Variants in SLC12A6 observed in about 807,000 individuals in gnomAD.
The protein encoded by SLC12A6 is solute carrier family 12 member 6, also known as K-Cl cotransporter 3.
A neutral mutation model predicts 135.3 loss-of-function variants in SLC12A6; 66 were observed. That is an observed-to-expected ratio of 0.49 (90% CI 0.40 to 0.60). The LOEUF is 0.60. Ranked by LOEUF, SLC12A6 falls within the 20% of genes least tolerant of loss-of-function variation. The pLI is 0.00. For missense variants in SLC12A6, 1,058 were observed against 1,452.3 expected, an observed-to-expected ratio of 0.73 and a Z score of 4.41; for synonymous variants, 513 against 508.8, an observed-to-expected ratio of 1.01 and a Z score of -0.11.
At chr15:34,321,576 C>A (rs1782994696) in intron 2 of SLC12A6, among the ~76,000 whole-genome samples, 2 of 152,216 alleles carry the variant, frequency 1.3e-5, no homozygotes, top group African/African-American at 4.8e-5. Flanking sequence ...GGAAAAGGGT[C>A]TCACACTTTC....
At chr15:34,320,759 A>G (rs944869416) in intron 2 of SLC12A6, among the ~76,000 whole-genome samples, 2 of 151,906 alleles carry the variant, frequency 1.3e-5, no homozygotes, top group African/African-American at 4.8e-5. Flanking sequence ...TACTAAAAAT[A>G]CAAAAATCTT....
rs931619573 is a variant in SLC12A6, at chr15:34,231,754, T to A, written c.*2127A>T. 1 of 152,076 alleles carries A rather than the reference T, an allele frequency of 6.6e-6. No individual in the cohort carries two copies. The highest frequency in any genetic ancestry group is 2.4e-5 in the African/African-American group (1 of 41,382). 9.4% of individuals were successfully genotyped at this position (152,076 alleles called of 1,614,324 possible). ...ACAGGCGCCCGCCACCATGCCCGAC[T>A]AATTTTTTTGTATTTTTGTAGAGAC... On this transcript the variant is annotated 3_prime_UTR_variant, in exon 26 of 26. Transcript: ENST00000354181.
intron 2 of SLC12A6, among the ~76,000 whole-genome samples, chr15:34,317,200 T>C (rs1888711095): frequency 6.6e-6 from 1 of 152,172 alleles, no homozygotes; most frequent in Non-Finnish European, 1.5e-5. Context: ...TTACATAAAA[T>C]CTTTTTTCTG....
intron 2 of SLC12A6, among the ~76,000 whole-genome samples, chr15:34,310,007 T>G (rs1888039712): frequency 6.8e-6 from 1 of 148,012 alleles, no homozygotes; most frequent in Non-Finnish European, 1.5e-5. Context: ...GAGATAATCT[T>G]TTTTTTTTTT....
chr15:34,270,056 A>G (rs1893809705), intron 3 of SLC12A6, among the ~76,000 whole-genome samples: 1 of 149,114 alleles, frequency 6.7e-6, no homozygotes, highest in Non-Finnish European at 1.5e-5. Flanking sequence ...AAACAGGACG[A>G]ATAATTCTTT....
intron 3 of SLC12A6, among the ~76,000 whole-genome samples, chr15:34,271,865 AAT>A (rs1471806572): frequency 6.6e-6 from 1 of 152,248 alleles, no homozygotes; most frequent in African/African-American, 2.4e-5. Context: ...TTACAAATTC[AAT>A]TAAGCAGGCA....
intron 2 of SLC12A6, among the ~76,000 whole-genome samples, chr15:34,326,425 T>C (rs1889460221): frequency 6.6e-6 from 1 of 152,236 alleles, no homozygotes; most frequent in Admixed American, 6.5e-5. Context: ...ACTAAGGACA[T>C]ATTTCTAAAA....
chr15:34,312,017 C>T (rs562148526), intron 2 of SLC12A6, among the ~76,000 whole-genome samples: 1 of 152,166 alleles, frequency 6.6e-6, no homozygotes, highest in Non-Finnish European at 1.5e-5. Flanking sequence ...TTTTTGAGTG[C>T]TGTCACATAT....
chr15:34,245,544 G>C, intron 14 of SLC12A6, 141 bp from the exon 15 acceptor site: 1 of 891,658 alleles, frequency 1.1e-6, no homozygotes, highest in South Asian at 1.3e-5. Flanking sequence ...GCACTCACAG[G>C]TAAACTCATG....
chr15:34,285,692 ATG>A (rs1421816904), intron 2 of SLC12A6, among the ~76,000 whole-genome samples: 2 of 12,906 alleles, frequency 1.5e-4, no homozygotes, highest in Non-Finnish European at 2.8e-4. Context: ...AATGTGCTAT[ATG>A]TGTGTGTGTG....
intron 2 of SLC12A6, among the ~76,000 whole-genome samples, chr15:34,320,452 T>C (rs746719532): frequency 1.1e-4 from 17 of 151,836 alleles, no homozygotes; most frequent in Non-Finnish European, 1.8e-4. Flanking sequence ...ATCTCATGAA[T>C]ATAGAAAGTA....
At chr15:34,280,386 T>A (rs1339849551) in intron 2 of SLC12A6, among the ~76,000 whole-genome samples, 2 of 152,208 alleles carry the variant, frequency 1.3e-5, no homozygotes, top group Non-Finnish European at 2.9e-5. Context: ...ACTGGCTGTA[T>A]TATCTAGACA....
At chr15:34,271,985 G>GT (rs547030369) in intron 3 of SLC12A6, among the ~76,000 whole-genome samples, 1,872 of 150,816 alleles carry the variant, frequency 0.012, 15 homozygotes, top group Middle Eastern at 0.037. Context: ...TTTTGTTTTT[G>GT]TTTTTTTTGA....
chr15:34,240,967 T>C lies in SLC12A6; in HGVS notation c.2268-138A>G, dbSNP rs1431096029. 57 of 745,230 alleles carry C rather than the reference T, an allele frequency of 7.6e-5. No homozygotes were observed. In the South Asian group the frequency reaches 7.7e-4, roughly 10 times the overall value. The allele number at this position is 745,230 out of a possible 1,614,324, so 46.2% of individuals were successfully genotyped here. A position where few individuals can be genotyped will look rare whatever the true frequency, so the allele number is the denominator to read the frequency against. ...GACAGAAGGAAGAGATCACAGGAGA[T>C]GACAGGATAAGGGCATTATTTTGAA... is the stretch of plus-strand genomic sequence containing the variant. On this transcript the variant is annotated intron_variant, in intron 18 of 25. Transcript: ENST00000354181.
chr15:34,335,772 T>C (rs931975820), intron 2 of SLC12A6, among the ~76,000 whole-genome samples: 2 of 152,164 alleles, frequency 1.3e-5, no homozygotes, highest in African/African-American at 4.8e-5. Flanking sequence ...AGACTTTCCA[T>C]CTAAAGCTCA....
intron 25 of SLC12A6, 102 bp downstream of exon 25, chr15:34,235,079 G>A: frequency 9.1e-7 from 1 of 1,096,122 alleles, no homozygotes; most frequent in Non-Finnish European, 1.4e-6. Context: ...CCTTAAAGAG[G>A]GAAAGTGGGG....
chr15:34,291,280 T>G (rs1895505792), intron 2 of SLC12A6, among the ~76,000 whole-genome samples: 1 of 152,224 alleles, frequency 6.6e-6, no homozygotes, highest in Non-Finnish European at 1.5e-5. Context: ...GGTTGAAAAT[T>G]CTTTTCTTTC....
At chr15:34,238,456 A>G in intron 20 of SLC12A6, 55 bp from the exon 21 acceptor site, 1 of 1,379,726 alleles carries the variant, frequency 7.2e-7, no homozygotes, top group Non-Finnish European at 1.0e-6. Context: ...CTTGCTTCCT[A>G]GCATGTCAGG....
Position 34,275,331 on chromosome 15 carries a change from C to T in SLC12A6, c.316+14G>A, listed in dbSNP as rs1555384157. ...TGACTTTGGATAAAGTCAATCCCCA[C>T]AGTAATACTATACCTAACAGTTGGC... On this transcript the variant is annotated intron_variant, in intron 3 of 25. Coordinates refer to ENST00000354181, the MANE Select transcript of SLC12A6 (RefSeq NM_001365088.1). 1 of 1,380,936 alleles carries T rather than the reference C, an allele frequency of 7.2e-7. No individual in the cohort carries two copies. The highest frequency in any genetic ancestry group is 1.0e-6 in the Non-Finnish European group (1 of 968,184). The allele number at this position is 1,380,936 out of a possible 1,614,324, so 85.5% of individuals were successfully genotyped here.
Sources: allele counts gnomAD v4.1 joint callset (sites outside exome capture counted in the v4.1 genomes callset), GRCh38; gene constraint gnomAD v4.1.1; transcripts MANE v1.5; gene names NCBI Gene and HGNC (gene_info 2026-07-23, HGNC 2026-07-21).